Variants in SIK3 observed in about 807,000 individuals in gnomAD.
SIK3 encodes SIK family kinase 3.
In SIK3, 28 loss-of-function variants were observed where a neutral mutation model predicts 144.2. The observed-to-expected ratio is 0.19, with a 90% confidence interval of 0.14 to 0.27. The LOEUF (loss-of-function observed/expected upper bound fraction) is 0.27, where lower values mean the gene tolerates loss of function less well. SIK3 is among the 10% of genes least tolerant of loss of function. The pLI, the probability that SIK3 is intolerant of heterozygous loss-of-function variation, is 1.00. For missense variants in SIK3, 1,319 were observed against 1,776.0 expected, an observed-to-expected ratio of 0.74 and a Z score of 4.62; for synonymous variants, 686 against 676.3, an observed-to-expected ratio of 1.01 and a Z score of -0.22.
chr11:116,944,802 C>T (rs1432334757), intron 3 of SIK3, among the ~76,000 whole-genome samples: 3 of 152,186 alleles, frequency 2.0e-5, no homozygotes, highest in African/African-American at 4.8e-5. Context: ...TTGTAGGTGA[C>T]AGCAGAGTGA....
At chr11:117,079,545 T>C (rs1314548842) in intron 1 of SIK3, among the ~76,000 whole-genome samples, 1 of 152,294 alleles carries the variant, frequency 6.6e-6, no homozygotes, top group Non-Finnish European at 1.5e-5. Flanking sequence ...AATAAGCCAT[T>C]AATAATCACA....
intron 1 of SIK3, among the ~76,000 whole-genome samples, chr11:117,021,947 A>AAAAAAAAAAAAAAAAAAAAC (rs1951790203): frequency 1.5e-5 from 2 of 131,846 alleles, no homozygotes; most frequent in African/African-American, 6.8e-5. Flanking sequence ...AAAAAAAAAA[A>AAAAAAAAAAAAAAAAAAAAC]AAAAAAAAAA....
chr11:116,915,152 G>GTGTGTA (rs1340668726), intron 4 of SIK3, among the ~76,000 whole-genome samples: 1 of 145,366 alleles, frequency 6.9e-6, no homozygotes, highest in African/African-American at 2.7e-5. Flanking sequence ...GTGTGTGTGT[G>GTGTGTA]TGTGTGTGTA....
chr11:116,930,283 C>T (rs902940678), intron 3 of SIK3, among the ~76,000 whole-genome samples: 2 of 152,118 alleles, frequency 1.3e-5, no homozygotes, highest in East Asian at 3.9e-4. Context: ...GGTTTGCTTT[C>T]ACTGTAAACC....
At chr11:117,024,411 A>C (rs1437175446) in intron 1 of SIK3, among the ~76,000 whole-genome samples, 1 of 152,130 alleles carries the variant, frequency 6.6e-6, no homozygotes, top group East Asian at 1.9e-4. Flanking sequence ...CTTTTCCCTA[A>C]AGATTACTAA....
intron 6 of SIK3, among the ~76,000 whole-genome samples, chr11:116,884,620 A>G (rs898596760): frequency 2.0e-5 from 3 of 151,616 alleles, no homozygotes; most frequent in Non-Finnish European, 4.4e-5. Context: ...CGGCCTCCCA[A>G]AGTGACATCT....
At chr11:117,020,557 G>A (rs1951727826) in intron 1 of SIK3, among the ~76,000 whole-genome samples, 1 of 152,086 alleles carries the variant, frequency 6.6e-6, no homozygotes, top group African/African-American at 2.4e-5. Flanking sequence ...AACCTCCAGG[G>A]AAAGGAGAGG....
chr11:117,036,241 AAT>A (rs1491336301), intron 1 of SIK3, among the ~76,000 whole-genome samples: 18 of 141,972 alleles, frequency 1.3e-4, no homozygotes, highest in Admixed American at 6.8e-4. Flanking sequence ...TTTAAAAAAA[AAT>A]AATGTAGGTA....
At chr11:117,032,663 AC>A (rs1242701437) in intron 1 of SIK3, among the ~76,000 whole-genome samples, 6 of 137,970 alleles carry the variant, frequency 4.3e-5, no homozygotes, top group African/African-American at 1.6e-4. Context: ...GCATCACCAC[AC>A]CCACCTTTTC....
chr11:116,895,424 C>T (rs528336369), intron 6 of SIK3, among the ~76,000 whole-genome samples: 1 of 152,312 alleles, frequency 6.6e-6, no homozygotes, highest in East Asian at 1.9e-4. Context: ...CTATCTTCTA[C>T]ACTATGACGT....
chr11:116,915,169 T>TGTGTGTGTGTG (rs1555093415), intron 4 of SIK3, among the ~76,000 whole-genome samples: 8 of 151,276 alleles, frequency 5.3e-5, no homozygotes, highest in Admixed American at 1.3e-4. Flanking sequence ...TGTATGTGTA[T>TGTGTGTGTGTG]TTTTTCTTTT....
chr11:117,024,060 C>T (rs1951908731), intron 1 of SIK3, among the ~76,000 whole-genome samples: 1 of 152,062 alleles, frequency 6.6e-6, no homozygotes, highest in East Asian at 1.9e-4. Flanking sequence ...ATTCTCCAAG[C>T]CCACTGAATA....
intron 1 of SIK3, among the ~76,000 whole-genome samples, chr11:117,021,948 A>AAC (rs1951790586): frequency 1.6e-5 from 2 of 127,914 alleles, no homozygotes; most frequent in Non-Finnish European, 1.6e-5. Context: ...AAAAAAAAAA[A>AAC]AAAAAAAAAA....
intron 1 of SIK3, among the ~76,000 whole-genome samples, chr11:117,079,421 A>G (rs1395452600): frequency 6.6e-6 from 1 of 152,240 alleles, no homozygotes; most frequent in Non-Finnish European, 1.5e-5. Context: ...TCATTTATTC[A>G]ATAAATGGAG....
At chr11:117,036,517 GAAGAA>G (rs555244322) in intron 1 of SIK3, among the ~76,000 whole-genome samples, 88 of 152,162 alleles carry the variant, frequency 5.8e-4, no homozygotes, top group African/African-American at 1.7e-3. Flanking sequence ...AAAATTGTTA[GAAGAA>G]AAGAAATGAA....
intron 3 of SIK3, among the ~76,000 whole-genome samples, chr11:116,953,396 A>G (rs1449366681): frequency 6.6e-6 from 1 of 152,218 alleles, no homozygotes; most frequent in African/African-American, 2.4e-5. Flanking sequence ...CTTTAACTCT[A>G]CTTGGCTCCA....
intron 1 of SIK3, among the ~76,000 whole-genome samples, chr11:116,980,731 A>G (rs1191278551): frequency 1.3e-5 from 2 of 152,118 alleles, no homozygotes; most frequent in African/African-American, 4.8e-5. Flanking sequence ...GCCTGCCTGT[A>G]TTCCTAGCTA....
At chr11:116,892,933 AT>A (rs1470053853) in intron 6 of SIK3, among the ~76,000 whole-genome samples, 2 of 152,182 alleles carry the variant, frequency 1.3e-5, no homozygotes, top group Non-Finnish European at 2.9e-5. Flanking sequence ...CTTATTGCAT[AT>A]TACTATTTGA....
At chr11:117,014,151 G>A (rs1192440879) in intron 1 of SIK3, among the ~76,000 whole-genome samples, 1 of 150,668 alleles carries the variant, frequency 6.6e-6, no homozygotes, top group Non-Finnish European at 1.5e-5. Flanking sequence ...AGTCCAGTCA[G>A]TGTTCTTTCT....
Sources: allele counts gnomAD v4.1 joint callset (sites outside exome capture counted in the v4.1 genomes callset), GRCh38; gene constraint gnomAD v4.1.1; transcripts MANE v1.5; gene names NCBI Gene and HGNC (gene_info 2026-07-23, HGNC 2026-07-21).